NKAIN2: variants seen among roughly 807,000 people sequenced by gnomAD.
The protein encoded by NKAIN2 is sodium/potassium transporting ATPase interacting 2.
NKAIN2 carries 14 observed loss-of-function variants against 32.6 expected under a neutral mutation model. The ratio of observed to expected loss-of-function variants is 0.43; its 90% CI spans 0.28 to 0.67. NKAIN2 has a LOEUF of 0.67. Among genes scored for constraint, NKAIN2 ranks in the 30% least tolerant of loss-of-function variants. The pLI is 0.17. For missense variants in NKAIN2, 198 were observed against 258.3 expected (o/e 0.77, Z 1.60); for synonymous variants, 80 against 87.2 (o/e 0.92, Z 0.46).
At chr6:124,188,300 A>T (rs182361591) in intron 1 of NKAIN2, among the ~76,000 whole-genome samples, 1 of 152,310 alleles carries the variant, frequency 6.6e-6, no homozygotes, top group African/African-American at 2.4e-5. Flanking sequence ...AAGTTTGAAA[A>T]CTATAGGGCA....
At chr6:124,092,740 A>C (rs560207420) in intron 1 of NKAIN2, among the ~76,000 whole-genome samples, 60 of 152,142 alleles carry the variant, frequency 3.9e-4, no homozygotes, top group African/African-American at 1.4e-3. Flanking sequence ...CCACATGTAG[A>C]GTTCATTTCA....
intron 1 of NKAIN2, among the ~76,000 whole-genome samples, chr6:123,883,430 C>CCA (rs1419009487): frequency 1.3e-5 from 2 of 151,602 alleles, no homozygotes; most frequent in African/African-American, 2.4e-5. Flanking sequence ...CAGGCGTGAG[C>CCA]CACTGCACCC....
intron 2 of NKAIN2, among the ~76,000 whole-genome samples, chr6:124,315,016 A>G (rs1234189886): frequency 6.6e-6 from 1 of 152,106 alleles, no homozygotes; most frequent in Non-Finnish European, 1.5e-5. Flanking sequence ...TTAATATACT[A>G]ATTATGTAAG....
chr6:123,821,435 A>G (rs1413296498), intron 1 of NKAIN2, among the ~76,000 whole-genome samples: 1 of 152,204 alleles, frequency 6.6e-6, no homozygotes, highest in Non-Finnish European at 1.5e-5. Context: ...TGATTTGATC[A>G]TGCTGGCTCT....
At chr6:124,372,774 C>T (rs1799821182) in intron 3 of NKAIN2, among the ~76,000 whole-genome samples, 1 of 152,004 alleles carries the variant, frequency 6.6e-6, no homozygotes, top group Admixed American at 6.6e-5. Context: ...TTATTATAAA[C>T]ATTTCTATAC....
intron 1 of NKAIN2, among the ~76,000 whole-genome samples, chr6:124,280,102 C>CTTATGTGAAAAT (rs1256191364): frequency 6.6e-6 from 1 of 152,060 alleles, no homozygotes; most frequent in Non-Finnish European, 1.5e-5. Context: ...ACATAAACAG[C>CTTATGTGAAAAT]AGCATGTATT....
At chr6:124,418,044 A>G (rs963605723) in intron 3 of NKAIN2, among the ~76,000 whole-genome samples, 14 of 152,258 alleles carry the variant, frequency 9.2e-5, no homozygotes, top group Middle Eastern at 3.4e-3. Context: ...AGGTTTGCAT[A>G]TACAATAATA....
At chr6:124,459,450 A>G (rs764343542) in intron 3 of NKAIN2, among the ~76,000 whole-genome samples, 2 of 151,940 alleles carry the variant, frequency 1.3e-5, no homozygotes, top group Non-Finnish European at 2.9e-5. Flanking sequence ...GATAAGTGTC[A>G]TGTTAAAATC....
At chr6:123,907,622 T>A (rs1475115440) in intron 1 of NKAIN2, among the ~76,000 whole-genome samples, 1 of 152,166 alleles carries the variant, frequency 6.6e-6, no homozygotes, top group East Asian at 1.9e-4. Flanking sequence ...TACTTATATA[T>A]CACTAAGAAA....
intron 4 of NKAIN2, among the ~76,000 whole-genome samples, chr6:124,662,014 T>A (rs1784763396): frequency 6.6e-6 from 1 of 152,170 alleles, no homozygotes; most frequent in Admixed American, 6.5e-5. Flanking sequence ...TCCTAAGATA[T>A]TTTAGCTAAT....
intron 1 of NKAIN2, among the ~76,000 whole-genome samples, chr6:124,191,062 G>A (rs895757989): frequency 3.3e-5 from 5 of 152,152 alleles, no homozygotes; most frequent in African/African-American, 7.2e-5. Flanking sequence ...CACGCTTGCT[G>A]TTGTACATTC....
At chr6:124,400,095 C>T (rs893631146) in intron 3 of NKAIN2, among the ~76,000 whole-genome samples, 17 of 152,018 alleles carry the variant, frequency 1.1e-4, no homozygotes, top group African/African-American at 3.9e-4. Flanking sequence ...AGAACATTCG[C>T]GACTTAATTA....
chr6:124,313,674 A>G (rs759762506), intron 2 of NKAIN2, among the ~76,000 whole-genome samples: 3 of 151,766 alleles, frequency 2.0e-5, no homozygotes, highest in Non-Finnish European at 4.4e-5. Flanking sequence ...TGGTATTGTG[A>G]TTTTCTCACT....
chr6:123,851,318 C>T (rs1178995571), intron 1 of NKAIN2, among the ~76,000 whole-genome samples: 9 of 127,264 alleles, frequency 7.1e-5, no homozygotes, highest in African/African-American at 1.5e-4. Context: ...GGTGCAATCT[C>T]GGCTCACTAC....
chr6:124,365,767 G>A (rs1007603869), intron 3 of NKAIN2, among the ~76,000 whole-genome samples: 6 of 152,016 alleles, frequency 3.9e-5, no homozygotes, highest in African/African-American at 1.4e-4. Context: ...GATTCAAAAT[G>A]TAGAAAGTCA....
chr6:123,893,134 A>C (rs1000522916), intron 1 of NKAIN2, among the ~76,000 whole-genome samples: 1 of 152,086 alleles, frequency 6.6e-6, no homozygotes, highest in African/African-American at 2.4e-5. Flanking sequence ...TTGCTCCACG[A>C]ACTTCTTTCA....
At chr6:123,946,226 A>G (rs1273995429) in intron 1 of NKAIN2, among the ~76,000 whole-genome samples, 2 of 152,178 alleles carry the variant, frequency 1.3e-5, no homozygotes, top group Non-Finnish European at 2.9e-5. Context: ...ATTTAAGTAA[A>G]TGATTTTCAG....
At chr6:124,428,933 C>T (rs1418638107) in intron 3 of NKAIN2, among the ~76,000 whole-genome samples, 26 of 152,124 alleles carry the variant, frequency 1.7e-4, no homozygotes, top group Admixed American at 4.6e-4. Flanking sequence ...CTTGTTCTCA[C>T]GGGACATGGC....
intron 1 of NKAIN2, among the ~76,000 whole-genome samples, chr6:124,045,963 T>C (rs2114820929): frequency 1.3e-5 from 2 of 152,160 alleles, no homozygotes; most frequent in South Asian, 4.1e-4. Context: ...TGTAAGTCTT[T>C]TGTGAGCCTC....
Sources: allele counts gnomAD v4.1 joint callset (sites outside exome capture counted in the v4.1 genomes callset), GRCh38; gene constraint gnomAD v4.1.1; transcripts MANE v1.5; gene names NCBI Gene and HGNC (gene_info 2026-07-23, HGNC 2026-07-21).